Variants in PIK3R6 observed in about 807,000 individuals in gnomAD.
The protein encoded by PIK3R6 is phosphoinositide 3-kinase regulatory subunit 6.
PIK3R6 carries 91 observed loss-of-function variants against 84.9 expected under a neutral mutation model. That is an observed-to-expected ratio of 1.07 (90% CI 0.90 to 1.28). PIK3R6 has a LOEUF of 1.28. Ranked by LOEUF, PIK3R6 falls within the 50% of genes most tolerant of loss-of-function variation. The pLI, the probability that PIK3R6 is intolerant of heterozygous loss-of-function variation, is 0.00. For missense variants in PIK3R6, 996 were observed against 985.1 expected (o/e 1.01, Z -0.15); for synonymous variants, 416 against 411.4 (o/e 1.01, Z -0.13).
At position 8,862,296 on chromosome 17, in the gene PIK3R6, G is replaced by C. The variant is rs187590832; in HGVS notation, c.-92+5233C>G. ...TGACACTGTTTATACCACATGGAAG[G>C]CCCTTGATAAATATGCTCGAATGAA... On this transcript the variant is annotated intron_variant, in intron 1 of 19. Coordinates refer to ENST00000619866, the MANE Select transcript of PIK3R6 (RefSeq NM_001010855.4). This position sits in a 1 kb window ranked among gnomAD's most constrained non-coding sequence, Gnocchi z 4.3. Among the ~76,000 whole-genome samples the C allele has an allele frequency of 2.0e-5, 3 of 152,280 alleles. No homozygotes were observed. The East Asian group carries it at 5.8e-4, about 29-fold the overall frequency.
chr17:8,835,605 G>A, intron 7 of PIK3R6, 149 bp from the exon 8 acceptor site: 1 of 675,580 alleles, frequency 1.5e-6, no homozygotes, highest in Non-Finnish European at 2.4e-6. Context: ...TCTCTGGGTG[G>A]GATGACAATA....
chr17:8,808,050 G>A (rs2087253945), intron 18 of PIK3R6, among the ~76,000 whole-genome samples: 1 of 152,126 alleles, frequency 6.6e-6, no homozygotes, highest in Admixed American at 6.6e-5. Flanking sequence ...ACAAAGAAGG[G>A]AGAGATTTGA....
rs975837570 is a variant in PIK3R6, at chr17:8,835,598, C to G, written c.462-142G>C. 18 of 712,904 alleles carry G rather than the reference C, an allele frequency of 2.5e-5. No homozygotes were observed. The African/African-American group carries it at 3.0e-4, about 12-fold the overall frequency. The allele number at this position is 712,904 out of a possible 1,614,324, so 44.2% of individuals were successfully genotyped here. A position where few individuals can be genotyped will look rare whatever the true frequency, so the allele number is the denominator to read the frequency against. On this transcript the variant is annotated intron_variant, in intron 7 of 19. Transcript: ENST00000619866. ...AGAGGAGTCTCAGATTCAAAAGTCT[C>G]TGGGTGGGATGACAATAGGGAGTGG...
At chr17:8,837,941 T>C (rs528971316) in intron 4 of PIK3R6, 70 bp from the exon 5 acceptor site, 3 of 1,409,490 alleles carry the variant, frequency 2.1e-6, no homozygotes, top group South Asian at 1.2e-5. Flanking sequence ...GGAGGCAGTC[T>C]AGGCTGGGAG....
chr17:8,838,539 T>G (rs1330226875), intron 4 of PIK3R6, 25 bp downstream of exon 4: 2 of 1,571,654 alleles, frequency 1.3e-6, no homozygotes, highest in Admixed American at 1.9e-5. Context: ...ATCCCCGTCT[T>G]CCTCCCTGAG....
intron 9 of PIK3R6, 82 bp downstream of exon 9, chr17:8,832,807 G>A (rs1012789068): frequency 1.9e-6 from 3 of 1,590,362 alleles, no homozygotes; most frequent in Admixed American, 1.7e-5. Flanking sequence ...CAGGTCCAGC[G>A]CTGCTCTCTG....
intron 4 of PIK3R6, 64 bp from the exon 5 acceptor site, chr17:8,837,935 G>T: frequency 6.9e-7 from 1 of 1,441,060 alleles, no homozygotes; most frequent in Non-Finnish European, 9.8e-7. Flanking sequence ...ATAGCGGGAG[G>T]CAGTCTAGGC....
intron 1 of PIK3R6, among the ~76,000 whole-genome samples, chr17:8,852,285 C>T (rs1338159072): frequency 1.3e-5 from 2 of 152,182 alleles, no homozygotes; most frequent in African/African-American, 4.8e-5. Flanking sequence ...GTAAATTTTA[C>T]ATATCCATAT....
chr17:8,811,453 C>A (rs537531608), intron 18 of PIK3R6, among the ~76,000 whole-genome samples: 1 of 148,586 alleles, frequency 6.7e-6, no homozygotes, highest in East Asian at 2.2e-4. Context: ...GCCTGAATTT[C>A]TCCTCAAAAA....
At chr17:8,826,479 G>A (rs925719403) in intron 13 of PIK3R6, among the ~76,000 whole-genome samples, 1 of 152,090 alleles carries the variant, frequency 6.6e-6, no homozygotes, top group Non-Finnish European at 1.5e-5. Flanking sequence ...TCCTTTTCAG[G>A]GACATGGTGA....
At chr17:8,829,870 C>G in intron 9 of PIK3R6, 78 bp from the exon 10 acceptor site, 1 of 1,188,282 alleles carries the variant, frequency 8.4e-7, no homozygotes, top group Non-Finnish European at 1.2e-6. Flanking sequence ...CTGCCCAGCT[C>G]CTGTGCGGGG....
At chr17:8,805,616 C>A (rs572019569) in intron 18 of PIK3R6, among the ~76,000 whole-genome samples, 128 of 152,288 alleles carry the variant, frequency 8.4e-4, no homozygotes, top group African/African-American at 2.9e-3. Flanking sequence ...CTGGTGCCAA[C>A]AGAACCTGTG....
Position 8,804,053 on chromosome 17 carries a change from C to G in PIK3R6, c.2096G>C (p.Arg699Thr). ...GGCCCAGCCTCACCTGACCACATCC[C>G]TGAAAGTGCGTTGATCGTCCTTGTC... is the stretch of plus-strand genomic sequence containing the variant. ...SLDKDDQRTF[R>T]DVVRFEVAPC... Residue 699 changes from arginine (R) to threonine (T), a missense_variant, in exon 19 of 20, where the codon AGG becomes ACG. Physicochemically the swap from Arg to Thr is moderately conservative, Grantham distance 71. Coordinates refer to ENST00000619866, the MANE Select transcript of PIK3R6 (RefSeq NM_001010855.4). 2.5e-6 allele frequency: 4 copies of G among 1,613,904 alleles called. No homozygotes were observed. Among genetic ancestry groups the G allele is most frequent in the Non-Finnish European group, 1.7e-6 (2 of 1,179,748 alleles).
intron 18 of PIK3R6, among the ~76,000 whole-genome samples, chr17:8,810,040 ATCC>A (rs1467420371): frequency 2.0e-5 from 3 of 151,992 alleles, no homozygotes; most frequent in African/African-American, 7.3e-5. Flanking sequence ...CACTGTATTA[ATCC>A]ATTTTCACAC....
At chr17:8,863,593 G>C (rs2089331585) in intron 1 of PIK3R6, among the ~76,000 whole-genome samples, 1 of 151,930 alleles carries the variant, frequency 6.6e-6, no homozygotes, top group South Asian at 2.1e-4. Context: ...GGAGTGCAGT[G>C]GTGCGATCTC....
chr17:8,825,942 T>A (rs2087901548), intron 13 of PIK3R6, among the ~76,000 whole-genome samples: 1 of 152,208 alleles, frequency 6.6e-6, no homozygotes, highest in African/African-American at 2.4e-5. Flanking sequence ...TCTTACTATA[T>A]AAAAGCCCTT....
intron 18 of PIK3R6, among the ~76,000 whole-genome samples, chr17:8,813,549 A>G (rs58641170): frequency 0.038 from 5,747 of 152,312 alleles, 381 homozygotes; most frequent in African/African-American, 0.13. Context: ...AATCAAAAAG[A>G]TAATGCACTG....
chr17:8,820,016 C>T (rs941184385), intron 17 of PIK3R6, among the ~76,000 whole-genome samples: 7 of 149,396 alleles, frequency 4.7e-5, no homozygotes, highest in South Asian at 2.1e-4. Context: ...GGCATGATCT[C>T]GGTCACTGCA....
chr17:8,862,407 G>T lies in PIK3R6; in HGVS notation c.-92+5122C>A, dbSNP rs2089304992. Among the ~76,000 whole-genome samples, 1 of 152,174 alleles carries T rather than the reference G, an allele frequency of 6.6e-6. No individual in the cohort carries two copies. Among genetic ancestry groups the T allele is most frequent in the African/African-American group, 2.4e-5 (1 of 41,446 alleles). ...CTGGATGACAGAAACAAGTTTGTTG[G>T]GCATGGTTGCTACAATAAATGACAC... On this transcript the variant is annotated intron_variant, in intron 1 of 19. Coordinates refer to ENST00000619866, the MANE Select transcript of PIK3R6 (RefSeq NM_001010855.4). This position sits in a 1 kb window ranked among gnomAD's most constrained non-coding sequence, Gnocchi z 4.3.
Sources: allele counts gnomAD v4.1 joint callset (sites outside exome capture counted in the v4.1 genomes callset), GRCh38; gene constraint gnomAD v4.1.1; non-coding constraint Gnocchi (gnomAD v3.1); transcripts MANE v1.5; gene names NCBI Gene and HGNC (gene_info 2026-07-23, HGNC 2026-07-21).